The following TPPP variants were observed in gnomAD, a reference collection of about 807,000 sequenced individuals.
TPPP encodes tubulin polymerization-promoting protein.
Under a neutral mutation model 15.5 loss-of-function variants are expected in TPPP, and 6 were observed. The ratio of observed to expected loss-of-function variants is 0.39; its 90% confidence interval spans 0.21 to 0.77. The LOEUF is 0.77. TPPP is among the 30% of genes least tolerant of loss of function. The probability of loss-of-function intolerance (pLI) is 0.42; values close to 1 mark genes in which losing one functional copy is unlikely to be tolerated. For synonymous variants in TPPP, 146 were observed against 133.9 expected (o/e 1.09, Z -0.63); for missense variants, 269 against 307.2 (o/e 0.88, Z 0.93).
At chr5:675,361 TGC>T (rs1740383995) in intron 2 of TPPP, among the ~76,000 whole-genome samples, 1 of 18,784 alleles carries the variant, frequency 5.3e-5, no homozygotes, top group Non-Finnish European at 1.0e-4. Context: ...TGTGGGGGTG[TGC>T]AGTGTGGCCG....
At chr5:672,970 C>T (rs1740275254) in intron 2 of TPPP, among the ~76,000 whole-genome samples, 1 of 152,224 alleles carries the variant, frequency 6.6e-6, no homozygotes, top group Admixed American at 6.5e-5. Flanking sequence ...GCTGGCGCCA[C>T]GCCGGTGGAG....
intron 1 of TPPP, among the ~76,000 whole-genome samples, chr5:681,595 C>T (rs1740623793): frequency 1.3e-5 from 2 of 152,180 alleles, no homozygotes; most frequent in African/African-American, 4.8e-5. Context: ...ACAGCACATG[C>T]CCCTTCCCTG....
chr5:695,749 C>G (rs1411969120), upstream of TPPP, among the ~76,000 whole-genome samples: 2 of 151,164 alleles, frequency 1.3e-5, 1 homozygote, highest in Admixed American at 1.3e-4. Context: ...ATTTAAGGGC[C>G]GCCAGGAGAA....
At chr5:665,919 G>GGGC in intron 3 of TPPP, 51 bp downstream of exon 3, 6 of 344,042 alleles carry the variant, frequency 1.7e-5, no homozygotes, top group Non-Finnish European at 2.4e-5. Context: ...CACCTTCCAG[G>GGGC]CCCCGCCCCC....
intron 3 of TPPP, 47 bp from the exon 4 acceptor site, chr5:665,343 T>C: frequency 6.4e-7 from 1 of 1,558,200 alleles, no homozygotes; most frequent in African/African-American, 1.4e-5. Context: ...GCGAGCCAGG[T>C]GAGGCCAGCA....
At chr5:696,623 G>A (rs1741016363), upstream of TPPP, among the ~76,000 whole-genome samples, 1 of 115,810 alleles carries the variant, frequency 8.6e-6, no homozygotes, top group Non-Finnish European at 2.0e-5. Context: ...CGACGTGCCT[G>A]CCTGGGTGTG....
In TPPP at chr5:663,468, C is replaced by T. The variant is rs1029997080; in HGVS notation, c.*1634G>A. The T allele has an allele frequency of 3.3e-5, 5 of 152,442 alleles. No homozygotes were observed. The highest frequency in any genetic ancestry group is 5.9e-5 in the Non-Finnish European group (4 of 68,104). 9.4% of individuals were successfully genotyped at this position (152,442 alleles called of 1,614,324 possible). A position where few individuals can be genotyped will look rare whatever the true frequency, so the allele number is the denominator to read the frequency against. On this transcript the variant is annotated 3_prime_UTR_variant, in exon 4 of 4. Transcript: ENST00000360578. ...AAGCTGCCTGCCAGGTCCTCCCCAT[C>T]CTCAGGTGGAGGCTTCTCTGTTGAG...
intron 1 of TPPP, among the ~76,000 whole-genome samples, chr5:688,394 G>A (rs548872744): frequency 4.8e-5 from 7 of 146,696 alleles, no homozygotes; most frequent in Non-Finnish European, 7.7e-5. Context: ...GACCACTCGC[G>A]CACAGTATTG....
chr5:691,897 C>T (rs1313818777), intron 1 of TPPP, among the ~76,000 whole-genome samples: 2 of 103,950 alleles, frequency 1.9e-5, no homozygotes, highest in Non-Finnish European at 4.0e-5. Context: ...AGCAGCCCCC[C>T]AAACCCCCAT....
At chr5:683,397 C>A (rs1470337036) in intron 1 of TPPP, among the ~76,000 whole-genome samples, 1 of 152,212 alleles carries the variant, frequency 6.6e-6, no homozygotes, top group Non-Finnish European at 1.5e-5. Context: ...CACACTCAAC[C>A]CAAACCTTCT....
At chr5:669,219 C>G (rs867431277) in intron 2 of TPPP, among the ~76,000 whole-genome samples, 1 of 152,202 alleles carries the variant, frequency 6.6e-6, no homozygotes, top group Non-Finnish European at 1.5e-5. Context: ...AGGGCACATT[C>G]CAGACCCGCC....
chr5:692,739 C>T (rs1740925296), intron 1 of TPPP: 2 of 979,842 alleles, frequency 2.0e-6, no homozygotes, highest in Non-Finnish European at 2.4e-6. Context: ...GTCTGACAGC[C>T]CCACCTGCCA....
At chr5:677,485 T>A (rs1271867800) in intron 2 of TPPP, among the ~76,000 whole-genome samples, 1 of 151,988 alleles carries the variant, frequency 6.6e-6, no homozygotes, top group African/African-American at 2.4e-5. Flanking sequence ...GCCGAAACCC[T>A]ACACACCCAC....
intron 1 of TPPP, among the ~76,000 whole-genome samples, chr5:684,948 A>C (rs1740727517): frequency 6.6e-6 from 1 of 152,202 alleles, no homozygotes; most frequent in Admixed American, 6.5e-5. Context: ...TCCCCACGGC[A>C]CACTCGGGAG....
intron 1 of TPPP, among the ~76,000 whole-genome samples, chr5:686,173 T>C (rs1292217442): frequency 2.0e-5 from 3 of 152,118 alleles, no homozygotes; most frequent in Non-Finnish European, 4.4e-5. Flanking sequence ...CAACAGAGCA[T>C]CCCAAAAGGG....
chr5:679,264 C>T (rs934470665), intron 1 of TPPP, among the ~76,000 whole-genome samples: 3 of 152,186 alleles, frequency 2.0e-5, no homozygotes, highest in Middle Eastern at 3.2e-3. Context: ...AATCCAGGGG[C>T]ACTCCCTCCA....
intron 2 of TPPP, among the ~76,000 whole-genome samples, chr5:670,107 C>T (rs1301078321): frequency 1.3e-5 from 2 of 152,132 alleles, no homozygotes; most frequent in African/African-American, 2.4e-5. Flanking sequence ...CTGGTTCAGT[C>T]TCTCAGGGAC....
intron 1 of TPPP, among the ~76,000 whole-genome samples, chr5:687,018 T>C (rs1740784342): frequency 7.3e-6 from 1 of 136,064 alleles, no homozygotes; most frequent in African/African-American, 2.6e-5. Flanking sequence ...GAACATATCA[T>C]TTCATAAATT....
Position 687,202 on chromosome 5 carries a change from C to T in TPPP, c.-5+6076G>A, listed in dbSNP as rs533122072. On this transcript the variant is annotated intron_variant, in intron 1 of 3. Coordinates refer to ENST00000360578, the MANE Select transcript of TPPP (RefSeq NM_007030.3). Reference sequence around the variant, plus strand: ...AGCTGACTCATGAGATGCCTGGACGCTGGGCTTCTGGTCTCCAGGAGGATG... The same window carrying T: ...AGCTGACTCATGAGATGCCTGGACGTTGGGCTTCTGGTCTCCAGGAGGATG... 1.4e-5 allele frequency among the ~76,000 whole-genome samples: 2 copies of T among 141,650 alleles called. 1 individual carries two copies. Among genetic ancestry groups the T allele is most frequent in the South Asian group, 4.6e-4 (2 of 4,378 alleles). The allele number at this position is 141,650 out of a possible 152,430, so 92.9% of individuals were successfully genotyped here. A position where few individuals can be genotyped will look rare whatever the true frequency, so the allele number is the denominator to read the frequency against.
Sources: gnomAD v4.1 joint callset for allele counts (sites outside exome capture counted in the v4.1 genomes callset) on GRCh38, gnomAD v4.1.1 for gene constraint, MANE v1.5 for transcripts, NCBI Gene and HGNC (gene_info 2026-07-23, HGNC 2026-07-21) for gene names.